The following SEMA3A variants were observed in gnomAD, a reference collection of about 807,000 sequenced individuals.
SEMA3A encodes semaphorin-3A.
Under a neutral mutation model 97.9 loss-of-function variants are expected in SEMA3A, and 29 were observed. The observed-to-expected ratio is 0.30, with a 90% CI of 0.22 to 0.40. SEMA3A has a LOEUF of 0.40. Ranked by LOEUF, SEMA3A falls within the 10% of genes least tolerant of loss-of-function variation. SEMA3A has a pLI of 1.00. For missense variants in SEMA3A, 763 were observed against 951.3 expected, an observed-to-expected ratio of 0.80 and a Z score of 2.60; for synonymous variants, 321 against 323.7, an observed-to-expected ratio of 0.99 and a Z score of 0.09.
chr7:84,277,240 G>A (rs1800324600), intron 3 of SEMA3A, among the ~76,000 whole-genome samples: 1 of 151,872 alleles, frequency 6.6e-6, no homozygotes, highest in Non-Finnish European at 1.5e-5. Context: ...AATATTATTA[G>A]GCATGCATGA....
At chr7:84,182,618 C>G (rs2116240905) in intron 1 of SEMA3A, among the ~76,000 whole-genome samples, 1 of 152,178 alleles carries the variant, frequency 6.6e-6, no homozygotes, top group East Asian at 1.9e-4. Flanking sequence ...ACTTCATGTA[C>G]ACACTCATGT....
At chr7:84,425,426 A>AATATAAATATAGGCATATATTTATATGC (rs1419776185) in intron 1 of SEMA3A, among the ~76,000 whole-genome samples, 24 of 132,496 alleles carry the variant, frequency 1.8e-4, no homozygotes, top group Non-Finnish European at 3.3e-4. Flanking sequence ...TATTTATATG[A>AATATAAATATAGGCATATATTTATATGC]ATATAAATAT....
intron 10 of SEMA3A, among the ~76,000 whole-genome samples, chr7:84,006,613 G>C (rs1361259891): frequency 1.3e-5 from 2 of 152,100 alleles, no homozygotes; most frequent in African/African-American, 4.8e-5. Context: ...TATTGATGCA[G>C]TGCAAGCATT....
At chr7:83,988,373 C>A (rs1405740284) in intron 12 of SEMA3A, among the ~76,000 whole-genome samples, 2 of 151,810 alleles carry the variant, frequency 1.3e-5, no homozygotes, top group Non-Finnish European at 2.9e-5. Context: ...ACTACAGGCG[C>A]CCACCACCAC....
chr7:84,052,262 A>C (rs1792706900), intron 5 of SEMA3A, among the ~76,000 whole-genome samples: 1 of 152,128 alleles, frequency 6.6e-6, no homozygotes, highest in African/African-American at 2.4e-5. Context: ...TTTTCTATTG[A>C]TTGGAATAGT....
chr7:84,339,689 T>A (rs921417021), intron 2 of SEMA3A, among the ~76,000 whole-genome samples: 1 of 152,196 alleles, frequency 6.6e-6, no homozygotes, highest in Non-Finnish European at 1.5e-5. Flanking sequence ...TACAATTAAC[T>A]ATAAGGGCAA....
At chr7:84,126,328 C>T (rs1032341286) in intron 3 of SEMA3A, among the ~76,000 whole-genome samples, 11 of 152,046 alleles carry the variant, frequency 7.2e-5, no homozygotes, top group African/African-American at 1.5e-4. Context: ...GCTTCAACCT[C>T]CCCAGTAACT....
chr7:84,336,837 C>A (rs1802048160), intron 2 of SEMA3A, among the ~76,000 whole-genome samples: 1 of 152,128 alleles, frequency 6.6e-6, no homozygotes, highest in Non-Finnish European at 1.5e-5. Flanking sequence ...GTAAAATAGT[C>A]TGTCTAGGTT....
intron 4 of SEMA3A, among the ~76,000 whole-genome samples, chr7:84,098,934 T>C (rs933981107): frequency 1.7e-4 from 21 of 120,232 alleles, no homozygotes; most frequent in Admixed American, 6.5e-4. Flanking sequence ...ATAATTTTGA[T>C]AAAGCTATCA....
In SEMA3A at chr7:84,165,201, C is replaced by T. The variant is rs539109868; in HGVS notation, c.112+29274G>A. On this transcript the variant is annotated intron_variant, in intron 1 of 16. Coordinates refer to ENST00000265362, the MANE Select transcript of SEMA3A (RefSeq NM_006080.3). ...CCGCCTGGGTGTCAGAGTGAGTCCT[C>T]GTCTCAAAATAAATAAATAAATAAA... Among the ~76,000 whole-genome samples the T allele has an allele frequency of 1.1e-4, 16 of 149,094 alleles. 1 individual carries two copies. In the South Asian group the frequency reaches 3.2e-3, roughly 30 times the overall value.
chr7:84,189,382 CTAT>C (rs1278240697), intron 1 of SEMA3A, among the ~76,000 whole-genome samples: 2 of 151,672 alleles, frequency 1.3e-5, no homozygotes, highest in Non-Finnish European at 3.0e-5. Flanking sequence ...ATTTATATCA[CTAT>C]TAGTCATTTT....
At chr7:84,252,524 G>T (rs1166500661) in intron 3 of SEMA3A, among the ~76,000 whole-genome samples, 2 of 152,134 alleles carry the variant, frequency 1.3e-5, no homozygotes, top group Non-Finnish European at 2.9e-5. Flanking sequence ...TTATGAACCT[G>T]TCATAAAAAT....
At chr7:84,447,630 C>T (rs1302737570) in intron 1 of SEMA3A, among the ~76,000 whole-genome samples, 1 of 152,192 alleles carries the variant, frequency 6.6e-6, no homozygotes, top group Admixed American at 6.5e-5. Context: ...AGGAGCTACC[C>T]ACTTCGGGTC....
rs371508193 is a variant in SEMA3A, at chr7:84,209,587, C to A, written c.-82-14919G>T. ...AAATAGTATATCCAAAAGTGTACTT[C>A]AAAACCATAGTATAAAATGTATCAC... On this transcript the variant is annotated intron_variant, in intron 3 of 3. Transcript: ENST00000424555. Among the ~76,000 whole-genome samples the A allele has an allele frequency of 5.9e-5, 9 of 152,176 alleles. 1 individual carries two copies. The highest frequency in any genetic ancestry group is 1.3e-4 in the Admixed American group (2 of 15,266).
chr7:84,470,786 C>T (rs1483773903), intron 1 of SEMA3A, among the ~76,000 whole-genome samples: 3 of 151,910 alleles, frequency 2.0e-5, no homozygotes, highest in African/African-American at 4.8e-5. Context: ...AAAAGCTGGC[C>T]CAGCTCAACC....
At position 84,330,550 on chromosome 7, in the gene SEMA3A, A is replaced by T. The variant is rs572631466; in HGVS notation, c.-168-23258T>A. Among the ~76,000 whole-genome samples, 3 of 152,186 alleles carry T rather than the reference A, an allele frequency of 2.0e-5. No individual in the cohort carries two copies. The East Asian group carries it at 5.8e-4, about 29-fold the overall frequency. The stretch of plus-strand genomic sequence containing the variant: ...GAGATGGTGAGGACATAAAGTAGGA[A>T]GGCACATGTACATTTTCATCTCTTA... On this transcript the variant is annotated intron_variant, in intron 2 of 3. Coordinates refer to the SEMA3A transcript ENST00000424555.
intron 3 of SEMA3A, among the ~76,000 whole-genome samples, chr7:84,247,543 A>T (rs1799503834): frequency 6.6e-6 from 1 of 152,226 alleles, no homozygotes; most frequent in Non-Finnish European, 1.5e-5. Flanking sequence ...AAGAAGGGTT[A>T]AGCCAATAAA....
At chr7:84,219,788 T>C (rs1222082027) in intron 3 of SEMA3A, among the ~76,000 whole-genome samples, 2 of 152,308 alleles carry the variant, frequency 1.3e-5, no homozygotes, top group Admixed American at 1.3e-4. Flanking sequence ...TCCACAGCAC[T>C]TGCTGCTTCA....
chr7:84,109,372 G>A (rs1795212271), intron 4 of SEMA3A, among the ~76,000 whole-genome samples: 1 of 152,190 alleles, frequency 6.6e-6, no homozygotes, highest in Admixed American at 6.6e-5. Flanking sequence ...GAAATAGGAT[G>A]ATGAGGAGCC....
Sources: gnomAD v4.1 joint callset for allele counts (sites outside exome capture counted in the v4.1 genomes callset) on GRCh38, gnomAD v4.1.1 for gene constraint, MANE v1.5 for transcripts, NCBI Gene and HGNC (gene_info 2026-07-23, HGNC 2026-07-21) for gene names.